MAST4: variants seen among roughly 807,000 people sequenced by gnomAD.
The protein encoded by MAST4 is microtubule-associated serine/threonine-protein kinase 4.
MAST4 carries 89 observed loss-of-function variants against 162.7 expected under a neutral mutation model. The observed-to-expected ratio is 0.55, with a 90% CI of 0.46 to 0.65. The LOEUF is 0.65. Among genes scored for constraint, MAST4 ranks in the 30% least tolerant of loss-of-function variants. The pLI, the probability that MAST4 is intolerant of heterozygous loss-of-function variation, is 0.00. For missense variants in MAST4, 3,153 were observed against 3,374.0 expected (o/e 0.93, Z 1.62); for synonymous variants, 1,479 against 1,361.1 (o/e 1.09, Z -1.91).
At chr5:67,101,132 C>T (rs2150852855) in intron 8 of MAST4, among the ~76,000 whole-genome samples, 1 of 152,274 alleles carries the variant, frequency 6.6e-6, no homozygotes, top group South Asian at 2.1e-4. Flanking sequence ...AGTTTGTTTC[C>T]TCAGGAAGCA....
At chr5:66,868,307 C>T (rs1192655870) in intron 3 of MAST4, among the ~76,000 whole-genome samples, 1 of 151,940 alleles carries the variant, frequency 6.6e-6, no homozygotes, top group East Asian at 1.9e-4. Context: ...GCATGTTCAG[C>T]TTCTGAGGAA....
intron 1 of MAST4, among the ~76,000 whole-genome samples, chr5:66,685,080 G>T (rs1262924491): frequency 6.6e-6 from 1 of 152,036 alleles, no homozygotes; most frequent in East Asian, 1.9e-4. Flanking sequence ...TGGGCAACAT[G>T]GCGAAACTCT....
intron 23 of MAST4, among the ~76,000 whole-genome samples, chr5:67,146,879 A>G (rs543309922): frequency 6.6e-6 from 1 of 152,196 alleles, no homozygotes; most frequent in Non-Finnish European, 1.5e-5. Context: ...CTCAGATCAT[A>G]TGTAGATATC....
chr5:66,987,094 T>C (rs1011258136), intron 4 of MAST4, among the ~76,000 whole-genome samples: 1 of 152,218 alleles, frequency 6.6e-6, no homozygotes, highest in Admixed American at 6.5e-5. Context: ...AATGTTTTTC[T>C]AATGGGCATA....
intron 1 of MAST4, chr5:66,738,111 A>G (rs1394207539): frequency 2.0e-5 from 3 of 152,212 alleles, no homozygotes; most frequent in Non-Finnish European, 4.4e-5. Context: ...ATGACAACCC[A>G]TGACATAAAG....
intron 4 of MAST4, among the ~76,000 whole-genome samples, chr5:66,966,710 G>A (rs1746776644): frequency 6.6e-6 from 1 of 152,192 alleles, no homozygotes; most frequent in African/African-American, 2.4e-5. Flanking sequence ...GGGAAATATG[G>A]CTGGCTGGTG....
intron 13 of MAST4, among the ~76,000 whole-genome samples, chr5:67,119,545 T>A (rs1253945876): frequency 6.6e-6 from 1 of 152,180 alleles, no homozygotes; most frequent in East Asian, 1.9e-4. Flanking sequence ...GGGGGAAATT[T>A]CTCTGTGCCT....
intron 4 of MAST4, chr5:66,917,172 T>C (rs1279275917): frequency 1.5e-5 from 8 of 539,196 alleles, no homozygotes; most frequent in Non-Finnish European, 2.7e-5. Flanking sequence ...GTCATTACTT[T>C]AAATTGCATT....
chr5:66,741,620 T>G (rs1022729486), intron 1 of MAST4, among the ~76,000 whole-genome samples: 1 of 152,152 alleles, frequency 6.6e-6, no homozygotes, highest in African/African-American at 2.4e-5. Flanking sequence ...AATGTACCTT[T>G]AGTGGATATA....
At chr5:66,795,708 A>G (rs1755614438) in intron 3 of MAST4, among the ~76,000 whole-genome samples, 3 of 152,318 alleles carry the variant, frequency 2.0e-5, no homozygotes, top group East Asian at 1.9e-4. Context: ...GCTGCCTCCT[A>G]TAACATCTTT....
chr5:66,850,360 A>G (rs1759213857), intron 3 of MAST4, among the ~76,000 whole-genome samples: 1 of 152,202 alleles, frequency 6.6e-6, no homozygotes, highest in Non-Finnish European at 1.5e-5. Context: ...GTTTTTGTTC[A>G]TAGTTGTCAA....
intron 4 of MAST4, among the ~76,000 whole-genome samples, chr5:66,906,479 T>C (rs774245133): frequency 6.6e-6 from 1 of 152,198 alleles, no homozygotes; most frequent in African/African-American, 2.4e-5. Context: ...CTACTGGCAT[T>C]TGATAGTTTC....
At chr5:67,150,344 G>A (rs991323913) in intron 24 of MAST4, among the ~76,000 whole-genome samples, 1 of 152,176 alleles carries the variant, frequency 6.6e-6, no homozygotes, top group Non-Finnish European at 1.5e-5. Flanking sequence ...CAGATGGCTT[G>A]TTTTTGGAAG....
At chr5:66,691,439 A>G (rs1391838140) in intron 1 of MAST4, among the ~76,000 whole-genome samples, 2 of 152,190 alleles carry the variant, frequency 1.3e-5, no homozygotes, top group Non-Finnish European at 2.9e-5. Context: ...TTCAGAGTAG[A>G]TGGATTACAG....
At chr5:66,886,973 T>C (rs1301991812) in intron 3 of MAST4, among the ~76,000 whole-genome samples, 2 of 152,128 alleles carry the variant, frequency 1.3e-5, no homozygotes, top group African/African-American at 4.8e-5. Context: ...ATTCTGTCTT[T>C]GTAGTGAGAA....
At chr5:66,808,130 A>G (rs1350635328) in intron 3 of MAST4, among the ~76,000 whole-genome samples, 1 of 152,208 alleles carries the variant, frequency 6.6e-6, no homozygotes, top group African/African-American at 2.4e-5. Flanking sequence ...CAGCTCGCCA[A>G]GTGGGAGACA....
At chr5:66,939,144 C>G (rs1313018152) in intron 4 of MAST4, among the ~76,000 whole-genome samples, 1 of 151,966 alleles carries the variant, frequency 6.6e-6, no homozygotes, top group African/African-American at 2.4e-5. Flanking sequence ...AAAAGAAAAA[C>G]AGATGGAAAT....
chr5:66,733,814 A>G (rs1752005741), intron 1 of MAST4, among the ~76,000 whole-genome samples: 1 of 152,064 alleles, frequency 6.6e-6, no homozygotes, highest in Non-Finnish European at 1.5e-5. Flanking sequence ...GAAAATGTGC[A>G]TTGTAGTATG....
At chr5:66,758,587 A>G (rs1490400622) in intron 1 of MAST4, among the ~76,000 whole-genome samples, 5 of 152,010 alleles carry the variant, frequency 3.3e-5, no homozygotes, top group Non-Finnish European at 7.4e-5. Flanking sequence ...CCGCCTGTGC[A>G]ATGACTTTGA....
Sources: gnomAD v4.1 joint callset for allele counts (sites outside exome capture counted in the v4.1 genomes callset) on GRCh38, gnomAD v4.1.1 for gene constraint, MANE v1.5 for transcripts, NCBI Gene and HGNC (gene_info 2026-07-23, HGNC 2026-07-21) for gene names.